GSAP: variants seen among roughly 807,000 people sequenced by gnomAD.
The protein encoded by GSAP is gamma-secretase-activating protein.
In GSAP, 118 loss-of-function variants were observed where a neutral mutation model predicts 131.7. The ratio of observed to expected loss-of-function variants is 0.90; its 90% CI spans 0.77 to 1.04. GSAP has a LOEUF of 1.04. Ranked by LOEUF, GSAP falls within the 50% of genes least tolerant of loss-of-function variation. The pLI is 0.00. For missense variants in GSAP, 1,019 were observed against 1,013.2 expected (o/e 1.01, Z -0.08); for synonymous variants, 381 against 363.4 (o/e 1.05, Z -0.55).
At chr7:77,325,632 G>A (rs768385197) in intron 23 of GSAP, among the ~76,000 whole-genome samples, 9 of 152,268 alleles carry the variant, frequency 5.9e-5, no homozygotes, top group Middle Eastern at 3.4e-3. Flanking sequence ...GGGCAGTGGC[G>A]CAATCTTGGT....
intron 1 of GSAP, among the ~76,000 whole-genome samples, chr7:77,413,137 G>C (rs916349045): frequency 2.0e-5 from 3 of 152,188 alleles, no homozygotes; most frequent in Admixed American, 2.0e-4. Flanking sequence ...GAGTGCTCAG[G>C]AAAGTGGGAT....
At chr7:77,415,675 CCT>C (rs201848183) in intron 1 of GSAP, 3,660 of 152,436 alleles carry the variant, frequency 0.024, 65 homozygotes, top group Non-Finnish European at 0.032. Flanking sequence ...GCCCATGTCC[CCT>C]GAGCCACGGA....
intron 1 of GSAP, 88 bp downstream of exon 1, chr7:77,416,125 G>A (rs1206124131): frequency 2.8e-6 from 2 of 726,664 alleles, no homozygotes; most frequent in East Asian, 3.4e-5. Flanking sequence ...GCGACGCCCC[G>A]GGTTGCTCCC....
At chr7:77,330,451 T>A in intron 19 of GSAP, 84 bp from the exon 20 acceptor site, 1 of 1,511,248 alleles carries the variant, frequency 6.6e-7, no homozygotes, top group African/African-American at 1.4e-5. Context: ...AAGCCTTATT[T>A]CCCGAGCTCT....
intron 14 of GSAP, among the ~76,000 whole-genome samples, chr7:77,356,313 G>C (rs1026807435): frequency 2.0e-4 from 30 of 152,148 alleles, no homozygotes; most frequent in Non-Finnish European, 3.7e-4. Flanking sequence ...AATGATCTCA[G>C]AGCAAATTAG....
chr7:77,385,097 G>A (rs959071713), intron 6 of GSAP, among the ~76,000 whole-genome samples: 8 of 150,056 alleles, frequency 5.3e-5, no homozygotes, highest in South Asian at 2.1e-4. Context: ...GCAATGGCAC[G>A]ATCTTGGCTC....
Position 77,360,839 on chromosome 7 carries a change from T to C in GSAP, c.1012A>G (p.Thr338Ala). The C allele has an allele frequency of 5.0e-6, 8 of 1,586,904 alleles. No homozygotes were observed. Among genetic ancestry groups the C allele is most frequent in the Non-Finnish European group, 6.9e-6 (8 of 1,155,716 alleles). ...CATCACTCACCAAGGTTGAGAAAAG[T>C]AATGCCCTTTGTCATGTGTGACCCA... Reference protein sequence around the residue: ...NVGSHMTKGITFLNLDYYVAV... With the variant: ...NVGSHMTKGIAFLNLDYYVAV... The change falls in exon 14 of 31, where the codon ACT (threonine) becomes GCT (alanine). Residue 338 changes from threonine to alanine, a missense_variant. Transcript: ENST00000257626.
chr7:77,328,562 C>A lies in GSAP; in HGVS notation c.1765+44G>T, dbSNP rs370965728. ...AGGAAGAACAGTGCTACAAACAAAA[C>A]ACTGACTGGAACCCAGAAGGCTTTA... On this transcript the variant is annotated intron_variant, in intron 22 of 30. Coordinates refer to ENST00000257626, the MANE Select transcript of GSAP (RefSeq NM_017439.4). The A allele has an allele frequency of 3.7e-5, 59 of 1,596,872 alleles. No individual in the cohort carries two copies. The African/African-American group carries it at 7.2e-4, about 19-fold the overall frequency.
At chr7:77,347,048 G>T (rs1792021573) in intron 19 of GSAP, among the ~76,000 whole-genome samples, 1 of 151,226 alleles carries the variant, frequency 6.6e-6, no homozygotes, top group African/African-American at 2.4e-5. Context: ...AAAAATCCCA[G>T]AAGACTGGGT....
intron 19 of GSAP, among the ~76,000 whole-genome samples, chr7:77,336,056 G>A (rs573571584): frequency 3.9e-5 from 6 of 152,338 alleles, no homozygotes; most frequent in East Asian, 3.9e-4. Context: ...TTAGGGAAAC[G>A]CATGCTGCAA....
chr7:77,348,145 G>A (rs1180766303), intron 19 of GSAP, among the ~76,000 whole-genome samples: 1 of 151,710 alleles, frequency 6.6e-6, no homozygotes, highest in African/African-American at 2.4e-5. Context: ...CTCCAGCCTG[G>A]GCAACAAAGA....
intron 8 of GSAP, among the ~76,000 whole-genome samples, chr7:77,378,433 A>G (rs113917456): frequency 4.1e-4 from 63 of 152,194 alleles, no homozygotes; most frequent in African/African-American, 1.4e-3. Flanking sequence ...ACAGTGAGCC[A>G]AGATCCCACC....
At position 77,381,226 on chromosome 7, in the gene GSAP, T is replaced by C. The variant is rs566504756; in HGVS notation, c.576+79A>G. The C allele has an allele frequency of 8.8e-6, 6 of 678,666 alleles. No homozygotes were observed. The South Asian group carries it at 1.3e-4, about 15-fold the overall frequency. The allele number at this position is 678,666 out of a possible 1,614,324, so 42.0% of individuals were successfully genotyped here. A position where few individuals can be genotyped will look rare whatever the true frequency, so the allele number is the denominator to read the frequency against. On this transcript the variant is annotated intron_variant, in intron 8 of 30. Coordinates refer to ENST00000257626, the MANE Select transcript of GSAP (RefSeq NM_017439.4). ...AAGAAAACATTATATATCAATAACA[T>C]TATCTTTAGCAGTCTAGTAATGTAC...
chr7:77,324,609 G>T (rs1015967741), intron 23 of GSAP, among the ~76,000 whole-genome samples: 1 of 152,082 alleles, frequency 6.6e-6, no homozygotes, highest in Non-Finnish European at 1.5e-5. Flanking sequence ...ATTCAATTCA[G>T]TCTCATGCAT....
intron 22 of GSAP, chr7:77,327,008 G>A (rs1037752642): frequency 6.6e-6 from 1 of 152,194 alleles, no homozygotes; most frequent in African/African-American, 2.4e-5. Context: ...ACTCCTTCTG[G>A]GAGGGCATCG....
intron 14 of GSAP, among the ~76,000 whole-genome samples, chr7:77,358,194 T>A (rs1285846517): frequency 6.6e-6 from 1 of 152,108 alleles, no homozygotes; most frequent in Non-Finnish European, 1.5e-5. Context: ...TATAAAAAAT[T>A]AGCTGGGCAT....
At chr7:77,359,200 C>G (rs1366447166) in intron 14 of GSAP, among the ~76,000 whole-genome samples, 2 of 141,774 alleles carry the variant, frequency 1.4e-5, no homozygotes, top group African/African-American at 2.6e-5. Flanking sequence ...GATTCCATCT[C>G]AAAAAAAAAA....
intron 6 of GSAP, among the ~76,000 whole-genome samples, chr7:77,383,173 C>CAA (rs1460356365): frequency 6.6e-6 from 1 of 152,054 alleles, no homozygotes; most frequent in Non-Finnish European, 1.5e-5. Flanking sequence ...GGTGATAGAG[C>CAA]AAGACTCTGT....
rs781254326 is a variant in GSAP at position 77,355,336 on chromosome 7, T to G, written c.1215A>C (p.Arg405Ser). The G allele has an allele frequency of 6.2e-7, 1 of 1,613,200 alleles. No individual in the cohort carries two copies. Among genetic ancestry groups the G allele is most frequent in the Non-Finnish European group, 8.5e-7 (1 of 1,179,424 alleles). ...ATAAAGACGACTGGCTGAGCAGTGC[T>G]CTATAGAGCTTTCCAGAACAACAAT... ...VLDCCSGKLYRALLSQSSLLQ... is the reference protein window; with the variant it reads ...VLDCCSGKLYSALLSQSSLLQ... The change falls in exon 16 of 31, where the codon AGA becomes AGC. Residue 405 changes from arginine (R) to serine (S), a missense_variant. Arg to Ser is a moderately radical substitution (Grantham distance 110, BLOSUM62 -1). Coordinates refer to ENST00000257626, the MANE Select transcript of GSAP (RefSeq NM_017439.4).
Sources: gnomAD v4.1 joint callset for allele counts (sites outside exome capture counted in the v4.1 genomes callset) on GRCh38, gnomAD v4.1.1 for gene constraint, MANE v1.5 for transcripts, NCBI Gene and HGNC (gene_info 2026-07-23, HGNC 2026-07-21) for gene names.